Variants in CCSER1 observed in about 807,000 individuals in gnomAD.
CCSER1 encodes coiled-coil serine rich protein 1, also known as serine-rich coiled-coil domain-containing protein 1.
In CCSER1, 41 loss-of-function variants were observed where a neutral mutation model predicts 82.0. That is an observed-to-expected ratio of 0.50 (90% CI 0.39 to 0.65). The LOEUF is 0.65. CCSER1 is among the 30% of genes least tolerant of loss of function. CCSER1 has a pLI of 0.00. For synonymous variants in CCSER1, 414 were observed against 383.9 expected (o/e 1.08, Z -0.92); for missense variants, 1,119 against 1,064.2 (o/e 1.05, Z -0.72).
At chr4:91,541,130 G>A (rs997924192) in intron 10 of CCSER1, among the ~76,000 whole-genome samples, 9 of 152,092 alleles carry the variant, frequency 5.9e-5, no homozygotes, top group Non-Finnish European at 8.8e-5. Flanking sequence ...AACAAGTTGC[G>A]GCAAAGTGAG....
intron 4 of CCSER1, among the ~76,000 whole-genome samples, chr4:90,430,104 C>A (rs1164583781): frequency 6.6e-6 from 1 of 151,798 alleles, no homozygotes; most frequent in Admixed American, 6.6e-5. Context: ...GAAGAAATAC[C>A]TAGTACACTC....
intron 9 of CCSER1, among the ~76,000 whole-genome samples, chr4:90,930,162 A>C (rs2150279876): frequency 6.6e-6 from 1 of 152,252 alleles, no homozygotes; most frequent in Non-Finnish European, 1.5e-5. Context: ...TTGAATGGAA[A>C]ATTTCTCTCT....
At chr4:90,982,259 A>T (rs891485721) in intron 9 of CCSER1, among the ~76,000 whole-genome samples, 2 of 151,678 alleles carry the variant, frequency 1.3e-5, no homozygotes, top group African/African-American at 4.8e-5. Context: ...AGAAAGAGTG[A>T]GCTCTGACAT....
intron 10 of CCSER1, among the ~76,000 whole-genome samples, chr4:91,553,568 G>C (rs1248232541): frequency 2.5e-5 from 2 of 79,414 alleles, no homozygotes; most frequent in South Asian, 6.7e-4. Context: ...CCTTACTTAC[G>C]GGAATTTTTT....
At chr4:90,414,600 C>T (rs533937082) in intron 4 of CCSER1, among the ~76,000 whole-genome samples, 2 of 152,066 alleles carry the variant, frequency 1.3e-5, no homozygotes, top group East Asian at 3.8e-4. Flanking sequence ...TCTGTCCTCA[C>T]TTTCTTATTC....
At chr4:90,982,104 A>G (rs1736165005) in intron 9 of CCSER1, among the ~76,000 whole-genome samples, 1 of 151,872 alleles carries the variant, frequency 6.6e-6, no homozygotes, top group South Asian at 2.1e-4. Flanking sequence ...ATATTAAAAT[A>G]TCATAAACTG....
chr4:91,116,406 G>A (rs1726603408), intron 10 of CCSER1, among the ~76,000 whole-genome samples: 1 of 152,056 alleles, frequency 6.6e-6, no homozygotes, highest in South Asian at 2.1e-4. Context: ...GTGATGAGAG[G>A]GCATGCTCTT....
At chr4:90,452,897 C>T (rs1761665864) in intron 4 of CCSER1, among the ~76,000 whole-genome samples, 1 of 152,172 alleles carries the variant, frequency 6.6e-6, no homozygotes, top group Admixed American at 6.5e-5. Flanking sequence ...AAGACTAGAC[C>T]TAGGTACTTC....
chr4:91,383,787 C>A (rs1318872561), intron 10 of CCSER1, among the ~76,000 whole-genome samples: 1 of 152,024 alleles, frequency 6.6e-6, no homozygotes. Context: ...GGAATATAGC[C>A]TGAATATTTA....
chr4:91,012,921 CAAG>C (rs1030282328), intron 9 of CCSER1, among the ~76,000 whole-genome samples: 2 of 133,724 alleles, frequency 1.5e-5, no homozygotes, highest in African/African-American at 2.5e-5. Flanking sequence ...CATTTCCCCA[CAAG>C]AAGAAGTTCC....
chr4:90,691,553 C>T (rs975671983), intron 6 of CCSER1, among the ~76,000 whole-genome samples: 7 of 131,412 alleles, frequency 5.3e-5, no homozygotes, highest in Non-Finnish European at 1.2e-4. Context: ...GTGTACATAT[C>T]ACATGTGTGT....
intron 9 of CCSER1, among the ~76,000 whole-genome samples, chr4:91,062,617 C>T (rs887109586): frequency 3.3e-5 from 5 of 152,092 alleles, no homozygotes; most frequent in Non-Finnish European, 5.9e-5. Flanking sequence ...AGCTTACCCA[C>T]ACCTGCAAGT....
At chr4:91,317,207 G>A (rs907833687) in intron 10 of CCSER1, among the ~76,000 whole-genome samples, 33 of 151,886 alleles carry the variant, frequency 2.2e-4, no homozygotes, top group Admixed American at 1.6e-3. Context: ...GATAAAGAAT[G>A]TGTAACCCAA....
intron 5 of CCSER1, among the ~76,000 whole-genome samples, chr4:90,470,212 G>A (rs183480452): frequency 6.6e-6 from 1 of 151,874 alleles, no homozygotes; most frequent in Non-Finnish European, 1.5e-5. Context: ...CTTGATTAAT[G>A]TCTCCATTAT....
intron 4 of CCSER1, among the ~76,000 whole-genome samples, chr4:90,428,491 T>G (rs1322392574): frequency 6.6e-6 from 1 of 151,868 alleles, no homozygotes; most frequent in African/African-American, 2.4e-5. Context: ...GTATTTGGTA[T>G]GTTAAGTGTA....
At chr4:90,313,969 A>G (rs2153481791) in intron 3 of CCSER1, among the ~76,000 whole-genome samples, 1 of 152,314 alleles carries the variant, frequency 6.6e-6, no homozygotes, top group Middle Eastern at 3.4e-3. Context: ...TGATATCTCT[A>G]TTGTTTTACA....
At chr4:91,222,242 C>A (rs1737812429) in intron 10 of CCSER1, among the ~76,000 whole-genome samples, 1 of 150,934 alleles carries the variant, frequency 6.6e-6, no homozygotes, top group African/African-American at 2.4e-5. Context: ...GTGAGCACAG[C>A]CGAGAGAGGC....
intron 5 of CCSER1, among the ~76,000 whole-genome samples, chr4:90,555,828 G>C (rs1778060816): frequency 6.6e-6 from 1 of 151,804 alleles, no homozygotes; most frequent in Non-Finnish European, 1.5e-5. Context: ...TATATTCAAG[G>C]TCATGAACAT....
At chr4:91,462,129 T>C (rs1356846981) in intron 10 of CCSER1, among the ~76,000 whole-genome samples, 1 of 152,132 alleles carries the variant, frequency 6.6e-6, no homozygotes, top group Non-Finnish European at 1.5e-5. Flanking sequence ...CTTCAATTAG[T>C]TATTGCCTTA....
Sources: gnomAD v4.1 joint callset for allele counts (sites outside exome capture counted in the v4.1 genomes callset) on GRCh38, gnomAD v4.1.1 for gene constraint, MANE v1.5 for transcripts, NCBI Gene and HGNC (gene_info 2026-07-23, HGNC 2026-07-21) for gene names.